CARNMT1: variants seen among roughly 807,000 people sequenced by gnomAD.
CARNMT1 encodes carnosine N-methyltransferase 1.
Under a neutral mutation model 49.6 loss-of-function variants are expected in CARNMT1, and 28 were observed. That is an observed-to-expected ratio of 0.56 (90% CI 0.42 to 0.77). The LOEUF (loss-of-function observed/expected upper bound fraction) is 0.77, where lower values mean the gene tolerates loss of function less well. Ranked by LOEUF, CARNMT1 falls within the 30% of genes least tolerant of loss-of-function variation. The probability of loss-of-function intolerance (pLI) is 0.00; values close to 1 mark genes in which losing one functional copy is unlikely to be tolerated. For synonymous variants in CARNMT1, 178 were observed against 175.0 expected (o/e 1.02, Z -0.13); for missense variants, 421 against 512.6 (o/e 0.82, Z 1.73).
intron 1 of CARNMT1, chr9:75,027,101 T>C (rs200092781): frequency 1.3e-4 from 169 of 1,304,308 alleles, no homozygotes; most frequent in Middle Eastern, 8.5e-4. Flanking sequence ...CCTCAGAACA[T>C]AGTCACCGGT....
intron 4 of CARNMT1, 62 bp downstream of exon 4, chr9:74,999,668 A>T: frequency 1.4e-6 from 2 of 1,462,272 alleles, no homozygotes; most frequent in Non-Finnish European, 1.9e-6. Context: ...TTGTTCAAGA[A>T]AATAGGTAAG....
intron 1 of CARNMT1, among the ~76,000 whole-genome samples, chr9:75,022,825 A>C (rs1230005465): frequency 6.6e-6 from 1 of 152,034 alleles, no homozygotes; most frequent in Non-Finnish European, 1.5e-5. Flanking sequence ...TAACAAATGC[A>C]CCCAAGTTAG....
Position 75,028,204 on chromosome 9 carries a change from C to G in CARNMT1, c.38G>C (p.Arg13Pro). Residue 13 changes from arginine to proline, a missense_variant, in exon 1 of 8, where the codon CGG (arginine) becomes CCG (proline). Physicochemically the swap from Arg to Pro is moderately radical, Grantham distance 103. This residue lies in a region of CARNMT1 where 186 missense variants were observed against 167.9 expected (regional missense o/e 1.11). Coordinates refer to ENST00000376834, the MANE Select transcript of CARNMT1 (RefSeq NM_152420.3). ...RRRRPPPPTS[R>P]LPEGCGGGGG... ...TCCTCCCCCGCAGCCCTCGGGCAGC[C>G]GGGAGGTGGGCGGCGGAGGGCGACG... The G allele has an allele frequency of 2.7e-6, 4 of 1,460,018 alleles. No homozygotes were observed. Among genetic ancestry groups the G allele is most frequent in the Non-Finnish European group, 2.7e-6 (3 of 1,107,180 alleles). 90.4% of individuals were successfully genotyped at this position (1,460,018 alleles called of 1,614,324 possible). A position where few individuals can be genotyped will look rare whatever the true frequency, so the allele number is the denominator to read the frequency against.
intron 1 of CARNMT1, chr9:75,027,195 A>G: frequency 2.5e-6 from 3 of 1,194,448 alleles, no homozygotes; most frequent in South Asian, 1.3e-5. Flanking sequence ...TCTTGGAATT[A>G]TAATTTTGTG....
intron 3 of CARNMT1, chr9:75,015,783 C>CA (rs536303039): frequency 0.18 from 23,703 of 134,692 alleles, 2,539 homozygotes; most frequent in Non-Finnish European, 0.25. Flanking sequence ...GAGACTGTCT[C>CA]AAAAAAATAA....
chr9:74,985,092 GTTA>G (rs1440580744), intron 6 of CARNMT1, 82 bp from the exon 7 acceptor site: 2 of 1,017,790 alleles, frequency 2.0e-6, no homozygotes, highest in East Asian at 4.8e-5. Context: ...AGTTGAGTAA[GTTA>G]GGTACTGGAT....
chr9:75,016,039 T>TATTTAGAA (rs1250277884), intron 3 of CARNMT1: 2 of 387,722 alleles, frequency 5.2e-6, no homozygotes, highest in Admixed American at 8.5e-5. Context: ...GACCTAACCT[T>TATTTAGAA]ATTATTTAAT....
chr9:74,998,798 T>C (rs746768926), intron 4 of CARNMT1, 22 bp from the exon 5 acceptor site: 26 of 1,436,092 alleles, frequency 1.8e-5, no homozygotes, highest in Non-Finnish European at 2.4e-5. Flanking sequence ...GAGTATAAAA[T>C]CAGGTGTTAA....
intron 1 of CARNMT1, among the ~76,000 whole-genome samples, chr9:75,017,889 T>A (rs1236088743): frequency 2.0e-5 from 3 of 152,098 alleles, no homozygotes; most frequent in African/African-American, 7.2e-5. Flanking sequence ...TTTTTAAATA[T>A]CATAGAAGAT....
intron 6 of CARNMT1, among the ~76,000 whole-genome samples, chr9:74,988,991 A>T (rs765520616): frequency 2.6e-5 from 4 of 152,256 alleles, no homozygotes; most frequent in Non-Finnish European, 5.9e-5. Context: ...AGCTTTAAGT[A>T]AGCAAATTTA....
intron 7 of CARNMT1, 40 bp from the exon 8 acceptor site, chr9:74,983,908 C>CA: frequency 7.2e-7 from 1 of 1,392,976 alleles, no homozygotes; most frequent in Non-Finnish European, 9.9e-7. Context: ...TGACAGTCAT[C>CA]ATGACCACAC....
chr9:75,009,783 A>T (rs1316524854), intron 3 of CARNMT1: 1 of 152,026 alleles, frequency 6.6e-6, no homozygotes, highest in East Asian at 1.9e-4. Context: ...CTTTACATAC[A>T]ATGCCTGGCA....
Position 75,016,440 on chromosome 9 carries a change from A to G in CARNMT1, c.427-9T>C, listed in dbSNP as rs1316596581. 6.2e-7 allele frequency: 1 copy of G among 1,612,610 alleles called. No individual in the cohort carries two copies. Among genetic ancestry groups the G allele is most frequent in the Admixed American group, 1.7e-5 (1 of 59,810 alleles). The stretch of plus-strand genomic sequence containing the variant: ...ATAATCTTTCCATTCCCCTGTTTAA[A>G]AAACAGACATCAATTAGCTTCTGAG... On this transcript the variant is annotated splice_polypyrimidine_tract_variant and intron_variant, in intron 2 of 7. Coordinates refer to ENST00000376834, the MANE Select transcript of CARNMT1 (RefSeq NM_152420.3).
intron 1 of CARNMT1, chr9:75,027,118 A>G (rs747955904): frequency 9.2e-6 from 12 of 1,304,140 alleles, no homozygotes; most frequent in South Asian, 1.2e-5. Flanking sequence ...CGGTGGACTC[A>G]TATCTCTTAC....
chr9:75,028,205 G>A lies in CARNMT1; in HGVS notation c.37C>T (p.Arg13Trp), dbSNP rs781692062. Residue 13 changes from arginine (R) to tryptophan (W), a missense_variant, in exon 1 of 8, where the codon CGG becomes TGG. By Grantham distance (101) the Arg-to-Trp change is moderately radical. Around this residue, in one of 2 missense-constraint regions of CARNMT1, gnomAD observed 186 missense variants for 167.9 expected, o/e 1.11. Transcript: ENST00000376834. ...RRRRPPPPTS[R>W]LPEGCGGGGG... The stretch of plus-strand genomic sequence containing the variant: ...CCTCCCCCGCAGCCCTCGGGCAGCC[G>A]GGAGGTGGGCGGCGGAGGGCGACGC... 1.2e-5 allele frequency: 18 copies of A among 1,457,396 alleles called. No individual in the cohort carries two copies. The South Asian group carries it at 2.4e-4, about 19-fold the overall frequency. The allele number at this position is 1,457,396 out of a possible 1,614,324, so 90.3% of individuals were successfully genotyped here.
chr9:75,009,501 T>C (rs548099346), intron 3 of CARNMT1, among the ~76,000 whole-genome samples: 1 of 152,082 alleles, frequency 6.6e-6, no homozygotes, highest in Non-Finnish European at 1.5e-5. Context: ...AATATTAAAA[T>C]CATCAAACAT....
chr9:74,987,758 G>A (rs1832887389), intron 6 of CARNMT1, among the ~76,000 whole-genome samples: 1 of 151,402 alleles, frequency 6.6e-6, no homozygotes, highest in Non-Finnish European at 1.5e-5. Flanking sequence ...TAAAAAGGGT[G>A]AATTTTATTA....
At chr9:74,991,048 T>C (rs1030067231) in intron 6 of CARNMT1, 5 of 152,102 alleles carry the variant, frequency 3.3e-5, no homozygotes, top group African/African-American at 1.2e-4. Context: ...TTATTAATTT[T>C]AAAATAAGCT....
At chr9:75,027,588 G>A (rs960489378) in intron 1 of CARNMT1, 5 of 432,984 alleles carry the variant, frequency 1.2e-5, no homozygotes, top group East Asian at 3.1e-4. Context: ...CCACGCGTAG[G>A]TGAACTTGGG....
Sources: gnomAD v4.1 joint callset for allele counts (sites outside exome capture counted in the v4.1 genomes callset) on GRCh38, gnomAD v4.1.1 for gene constraint, gnomAD v4.1.1 regional missense constraint, MANE v1.5 for transcripts, NCBI Gene and HGNC (gene_info 2026-07-23, HGNC 2026-07-21) for gene names.